The following GPC6 variants were observed in gnomAD, a reference collection of about 807,000 sequenced individuals.
The protein encoded by GPC6 is glypican-6.
GPC6 carries 14 observed loss-of-function variants against 55.2 expected under a neutral mutation model. That is an observed-to-expected ratio of 0.25 (90% confidence interval 0.17 to 0.40). The LOEUF is 0.40. Ranked by LOEUF, GPC6 falls within the 10% of genes least tolerant of loss-of-function variation. GPC6 has a pLI of 1.00. For missense variants in GPC6, 641 were observed against 708.5 expected (o/e 0.90, Z 1.08); for synonymous variants, 278 against 259.6 (o/e 1.07, Z -0.68).
intron 4 of GPC6, among the ~76,000 whole-genome samples, chr13:94,033,712 T>C (rs1158908687): frequency 6.6e-6 from 1 of 152,198 alleles, no homozygotes; most frequent in Non-Finnish European, 1.5e-5. Context: ...AAATATGATA[T>C]GACACTGGCT....
At position 94,188,732 on chromosome 13, in the gene GPC6, C is replaced by G. The variant is rs562542723; in HGVS notation, c.878-97617C>G. Among the ~76,000 whole-genome samples, 28 of 152,164 alleles carry G rather than the reference C, an allele frequency of 1.8e-4. No homozygotes were observed. In the South Asian group the frequency reaches 5.6e-3, roughly 30 times the overall value. The stretch of plus-strand genomic sequence containing the variant: ...CCTCTGTCCCCTTCTTTAGGGACCT[C>G]TGTATCTGGAGAGGCACTTGCACCA... On this transcript the variant is annotated intron_variant, in intron 4 of 8. Transcript: ENST00000377047.
At position 93,990,724 on chromosome 13, in the gene GPC6, G is replaced by GCA. The variant is rs1371083853; in HGVS notation, c.712-37004_712-37003dup. ...TTTTTTTTTTTTTTTAATTAGCCAA[G>GCA]CATGATGGTGCATGCCTGTTCCTAG... On this transcript the variant is annotated intron_variant, in intron 3 of 8. Transcript: ENST00000377047. 3.3e-5 allele frequency among the ~76,000 whole-genome samples: 5 copies of GCA among 150,872 alleles called. No individual in the cohort carries two copies. The East Asian group carries it at 9.8e-4, about 29-fold the overall frequency.
intron 2 of GPC6, among the ~76,000 whole-genome samples, chr13:93,737,313 T>G (rs902913035): frequency 4.6e-5 from 7 of 152,314 alleles, no homozygotes; most frequent in Non-Finnish European, 8.8e-5. Context: ...ATATTACTCA[T>G]TTAATTAAGG....
At chr13:93,893,877 A>C (rs528707285) in intron 3 of GPC6, among the ~76,000 whole-genome samples, 5 of 152,186 alleles carry the variant, frequency 3.3e-5, no homozygotes, top group Non-Finnish European at 7.3e-5. Context: ...GCCCGTGATA[A>C]CACTCTTCCA....
intron 2 of GPC6, among the ~76,000 whole-genome samples, chr13:93,714,106 G>A (rs1422491739): frequency 2.0e-5 from 3 of 151,732 alleles, no homozygotes; most frequent in East Asian, 3.9e-4. Context: ...TTAAACTGTC[G>A]AGCTTCTACA....
chr13:93,323,156 A>G (rs897392262), intron 1 of GPC6, among the ~76,000 whole-genome samples: 1 of 152,208 alleles, frequency 6.6e-6, no homozygotes, highest in East Asian at 1.9e-4. Flanking sequence ...ATGTCAGATT[A>G]TATATGTTAA....
At chr13:93,828,024 CT>C (rs918937611) in intron 2 of GPC6, among the ~76,000 whole-genome samples, 2 of 150,430 alleles carry the variant, frequency 1.3e-5, no homozygotes, top group African/African-American at 4.9e-5. Flanking sequence ...TTCTCTTTCT[CT>C]TTTTTTTAAA....
chr13:94,367,913 G>T (rs1346754516), intron 6 of GPC6, among the ~76,000 whole-genome samples: 1 of 151,996 alleles, frequency 6.6e-6, no homozygotes, highest in African/African-American at 2.4e-5. Context: ...CACTTTGGGA[G>T]GCTGAGGCGG....
chr13:93,590,791 C>T (rs1200611095), intron 2 of GPC6, among the ~76,000 whole-genome samples: 2 of 152,164 alleles, frequency 1.3e-5, no homozygotes, highest in Non-Finnish European at 2.9e-5. Flanking sequence ...CTTTAACAAA[C>T]TTGTGGTTAC....
At chr13:94,072,567 T>A (rs2138784719) in intron 4 of GPC6, among the ~76,000 whole-genome samples, 1 of 152,326 alleles carries the variant, frequency 6.6e-6, no homozygotes, top group South Asian at 2.1e-4. Flanking sequence ...TTGGCAAGAA[T>A]GGTCTTGATC....
chr13:93,835,299 AC>A (rs1887690666), intron 3 of GPC6, among the ~76,000 whole-genome samples: 1 of 152,076 alleles, frequency 6.6e-6, no homozygotes, highest in Admixed American at 6.5e-5. Context: ...TACAAAAAAT[AC>A]AAAAATTAGC....
chr13:93,910,526 A>G (rs1876912791), intron 3 of GPC6, among the ~76,000 whole-genome samples: 1 of 152,060 alleles, frequency 6.6e-6, no homozygotes, highest in Non-Finnish European at 1.5e-5. Context: ...GATAGATCCA[A>G]TGGAGTATTT....
chr13:93,979,535 ATTGT>A (rs1454502338), intron 3 of GPC6, among the ~76,000 whole-genome samples: 1 of 151,902 alleles, frequency 6.6e-6, no homozygotes, highest in Non-Finnish European at 1.5e-5. Context: ...CATGCAAGGA[ATTGT>A]TTGTTACTAG....
At chr13:93,514,149 A>G (rs1341617684) in intron 1 of GPC6, among the ~76,000 whole-genome samples, 2 of 152,086 alleles carry the variant, frequency 1.3e-5, no homozygotes, top group African/African-American at 4.8e-5. Flanking sequence ...CTGGGATTAC[A>G]GGTGTGAGCC....
chr13:93,787,706 A>G (rs1885858156), intron 2 of GPC6, among the ~76,000 whole-genome samples: 2 of 152,148 alleles, frequency 1.3e-5, no homozygotes, highest in Non-Finnish European at 2.9e-5. Flanking sequence ...TCTTCTAGCT[A>G]CTTTTAAATA....
intron 1 of GPC6, among the ~76,000 whole-genome samples, chr13:93,397,114 A>C (rs1405191323): frequency 6.6e-6 from 1 of 152,170 alleles, no homozygotes; most frequent in Non-Finnish European, 1.5e-5. Context: ...CTTGGGATAG[A>C]TCCCCAGAGG....
At chr13:94,045,452 A>G (rs1304480405) in intron 4 of GPC6, among the ~76,000 whole-genome samples, 3 of 151,988 alleles carry the variant, frequency 2.0e-5, no homozygotes, top group Non-Finnish European at 4.4e-5. Context: ...GTTTGCAGAC[A>G]TTCTTCCTCT....
intron 1 of GPC6, among the ~76,000 whole-genome samples, chr13:93,308,878 A>G (rs1285486585): frequency 3.3e-5 from 5 of 152,338 alleles, no homozygotes; most frequent in African/African-American, 9.6e-5. Flanking sequence ...AGTTTATTTC[A>G]GTGGGAATAC....
intron 2 of GPC6, among the ~76,000 whole-genome samples, chr13:93,588,509 T>C (rs568690222): frequency 7.2e-5 from 11 of 152,296 alleles, no homozygotes; most frequent in Middle Eastern, 3.4e-3. Flanking sequence ...TATTGGCTGT[T>C]CTTGCATAGC....
Sources: allele counts gnomAD v4.1 joint callset (sites outside exome capture counted in the v4.1 genomes callset), GRCh38; gene constraint gnomAD v4.1.1; transcripts MANE v1.5; gene names NCBI Gene and HGNC (gene_info 2026-07-23, HGNC 2026-07-21).